Variants in CDH26 observed in about 807,000 individuals in gnomAD.
CDH26 encodes the protein cadherin 26, also known as cadherin-like protein 26.
A neutral mutation model predicts 90.3 loss-of-function variants in CDH26; 83 were observed. The observed-to-expected ratio is 0.92, with a 90% CI of 0.77 to 1.10. The LOEUF is 1.10. Ranked by LOEUF, CDH26 falls within the 50% of genes least tolerant of loss-of-function variation. CDH26 has a pLI of 0.00. For missense variants in CDH26, 1,013 were observed against 1,037.6 expected (o/e 0.98, Z 0.33); for synonymous variants, 397 against 396.3 (o/e 1.00, Z -0.02).
At position 60,027,691 on chromosome 20, in the gene CDH26, G is replaced by A. The variant is rs570654595; in HGVS notation, c.948-3540G>A. 2.6e-4 allele frequency among the ~76,000 whole-genome samples: 39 copies of A among 152,280 alleles called. No homozygotes were observed. In the East Asian group the frequency reaches 6.6e-3, roughly 26 times the overall value. On this transcript the variant is annotated intron_variant, in intron 7 of 8. Coordinates refer to the CDH26 transcript ENST00000370991. ...AGAGAGGTATAGACTATTGCTGGCC[G>A]ACAGCAGGATCTGCAGTGATGAAAA...
chr20:60,017,875 C>A (rs1170109194), downstream of CDH26, among the ~76,000 whole-genome samples: 1 of 152,046 alleles, frequency 6.6e-6, no homozygotes, highest in African/African-American at 2.4e-5. Flanking sequence ...CCTTGGTCAT[C>A]AGGAGCATGT....
intron 1 of CDH26, among the ~76,000 whole-genome samples, chr20:59,966,780 T>G (rs1325182291): frequency 6.6e-6 from 1 of 152,216 alleles, no homozygotes; most frequent in Admixed American, 6.5e-5. Flanking sequence ...CAGAGAAACT[T>G]TTCATATATA....
chr20:59,961,818 G>A (rs1289972808), intron 1 of CDH26, among the ~76,000 whole-genome samples: 2 of 152,138 alleles, frequency 1.3e-5, no homozygotes, highest in African/African-American at 4.8e-5. Flanking sequence ...GTCATTTCCA[G>A]GCCTCTGAGC....
intron 4 of CDH26, among the ~76,000 whole-genome samples, chr20:59,978,264 G>A (rs1328838586): frequency 7.9e-5 from 12 of 152,098 alleles, no homozygotes; most frequent in Admixed American, 7.2e-4. Context: ...TAGTTGGATT[G>A]TGTAGCAAGA....
intron 4 of CDH26, among the ~76,000 whole-genome samples, chr20:59,979,400 T>C (rs1490383670): frequency 6.6e-6 from 1 of 151,928 alleles, no homozygotes; most frequent in Non-Finnish European, 1.5e-5. Flanking sequence ...GGTTTCACCA[T>C]GTTGGTCAGA....
At chr20:60,032,966 T>A (rs2062053719) in intron 8 of CDH26, among the ~76,000 whole-genome samples, 1 of 151,568 alleles carries the variant, frequency 6.6e-6, no homozygotes. Flanking sequence ...ACCTGCACAA[T>A]GTGCACATGT....
chr20:59,963,750 C>T (rs1480093024), intron 1 of CDH26, among the ~76,000 whole-genome samples: 2 of 151,600 alleles, frequency 1.3e-5, no homozygotes, highest in South Asian at 2.1e-4. Context: ...ATATTGGGTA[C>T]GGATTAAAAG....
At chr20:60,009,518 G>A (rs2061801438) in intron 17 of CDH26, among the ~76,000 whole-genome samples, 1 of 152,206 alleles carries the variant, frequency 6.6e-6, no homozygotes, top group South Asian at 2.1e-4. Context: ...GCCTGGCTGA[G>A]CAGGAGAGGG....
chr20:59,995,433 G>A (rs1488938650), intron 11 of CDH26, among the ~76,000 whole-genome samples: 4 of 152,180 alleles, frequency 2.6e-5, no homozygotes, highest in Non-Finnish European at 4.4e-5. Context: ...AGCATCCCAT[G>A]TGTGCTGTCC....
chr20:60,019,899 A>T (rs2061938497), intron 7 of CDH26, among the ~76,000 whole-genome samples: 1 of 152,072 alleles, frequency 6.6e-6, no homozygotes, highest in Admixed American at 6.6e-5. Context: ...TGTTGGTTTG[A>T]TGGGGTGCAT....
chr20:60,026,226 T>C (rs2061995828), intron 7 of CDH26, among the ~76,000 whole-genome samples: 2 of 152,196 alleles, frequency 1.3e-5, no homozygotes, highest in Admixed American at 1.3e-4. Flanking sequence ...CCTGAGGCCT[T>C]TCAACTCATA....
chr20:60,021,865 C>CACACACACACAT lies in CDH26; in HGVS notation c.948-9355_948-9354insTACACACACACA, dbSNP rs1555903623. Among the ~76,000 whole-genome samples the CACACACACACAT allele has an allele frequency of 1.2e-3, 89 of 75,886 alleles. 1 individual carries two copies. The highest frequency in any genetic ancestry group is 3.7e-3 in the African/African-American group (84 of 22,478). 49.8% of individuals were successfully genotyped at this position (75,886 alleles called of 152,430 possible). A position where few individuals can be genotyped will look rare whatever the true frequency, so the allele number is the denominator to read the frequency against. ...CCTTATCTGTACACACACACACACA[C>CACACACACACAT]ACACACACACACACACACACACACA... On this transcript the variant is annotated intron_variant, in intron 7 of 8. Transcript: ENST00000370991.
Position 60,006,363 on chromosome 20 carries a change from G to A in CDH26, c.2221-350G>A, listed in dbSNP as rs185057963. On this transcript the variant is annotated intron_variant, in intron 16 of 17. Coordinates refer to ENST00000348616, the MANE Select transcript of CDH26 (RefSeq NM_177980.4). ...GAAACAATGGGCAGGTTCAGAGGAA[G>A]AGAAGCCAAAATGAGCGAGGAGGGG... Among the ~76,000 whole-genome samples, 115 of 152,320 alleles carry A rather than the reference G, an allele frequency of 7.5e-4. 1 individual carries two copies. The highest frequency in any genetic ancestry group is 1.9e-3 in the African/African-American group (78 of 41,566).
intron 3 of CDH26, among the ~76,000 whole-genome samples, chr20:59,970,668 G>T (rs537014112): frequency 4.6e-5 from 7 of 151,798 alleles, no homozygotes; most frequent in African/African-American, 1.7e-4. Context: ...AAATTAACCA[G>T]GCATGGTTGC....
chr20:60,016,392 TG>T (rs1436585698), downstream of CDH26, among the ~76,000 whole-genome samples: 7 of 152,172 alleles, frequency 4.6e-5, no homozygotes, highest in Non-Finnish European at 7.4e-5. Flanking sequence ...TAAAAGGGAT[TG>T]CTGTCTTGAT....
At position 59,999,629 on chromosome 20, in the gene CDH26, G is replaced by A; in HGVS notation, c.2063G>A (p.Cys688Tyr). Residue 688 changes from cysteine to tyrosine, a missense_variant, in exon 14 of 18, where the codon TGC becomes TAC. Coordinates refer to ENST00000348616, the MANE Select transcript of CDH26 (RefSeq NM_177980.4). ...GGCCAGAGGCCGGCTCTGCTCATCT[G>A]CACAGCTGCAGCAGGACCCACGCAG... ...VEGQRPALLI[C>Y]TAAAGPTQGV... The A allele has an allele frequency of 6.2e-7, 1 of 1,614,118 alleles. No individual in the cohort carries two copies. The highest frequency in any genetic ancestry group is 8.5e-7 in the Non-Finnish European group (1 of 1,179,984).
chr20:59,979,364 A>T (rs556045612), intron 4 of CDH26, among the ~76,000 whole-genome samples: 2 of 151,926 alleles, frequency 1.3e-5, no homozygotes, highest in Admixed American at 1.3e-4. Context: ...ATGCAAGGCT[A>T]ATTTTTTGTG....
At chr20:60,011,306 G>A (rs1484393183) in intron 17 of CDH26, among the ~76,000 whole-genome samples, 5 of 152,156 alleles carry the variant, frequency 3.3e-5, no homozygotes, top group East Asian at 3.9e-4. Flanking sequence ...CTACTGTCAC[G>A]CTTGTGTTTA....
At chr20:59,995,750 G>C in intron 11 of CDH26, 83 bp from the exon 12 acceptor site, 1 of 1,287,234 alleles carries the variant, frequency 7.8e-7, no homozygotes, top group African/African-American at 1.5e-5. Context: ...AGCTTGGCCC[G>C]TGCAGGGCGT....
Sources: gnomAD v4.1 joint callset for allele counts (sites outside exome capture counted in the v4.1 genomes callset) on GRCh38, gnomAD v4.1.1 for gene constraint, MANE v1.5 for transcripts, NCBI Gene and HGNC (gene_info 2026-07-23, HGNC 2026-07-21) for gene names.